Variants in OTULIN observed in about 807,000 individuals in gnomAD.
OTULIN encodes the protein OTU deubiquitinase with linear linkage specificity, also known as ubiquitin thioesterase otulin.
OTULIN carries 15 observed loss-of-function variants against 39.6 expected under a neutral mutation model. The ratio of observed to expected loss-of-function variants is 0.38; its 90% confidence interval spans 0.25 to 0.58. OTULIN has a LOEUF of 0.58. OTULIN is among the 20% of genes least tolerant of loss of function. The pLI is 0.66. For missense variants in OTULIN, 319 were observed against 445.9 expected, an observed-to-expected ratio of 0.72 and a Z score of 2.56; for synonymous variants, 156 against 170.3, an observed-to-expected ratio of 0.92 and a Z score of 0.65.
the OTULIN span, chr5:14,712,984 G>A: frequency 6.2e-7 from 1 of 1,609,432 alleles, no homozygotes; most frequent in South Asian, 1.1e-5. Flanking sequence ...CTGCAGATGA[G>A]AACACAAAGG....
the OTULIN span, among the ~76,000 whole-genome samples, chr5:14,711,946 C>G: frequency 6.6e-6 from 1 of 152,246 alleles, no homozygotes; most frequent in Non-Finnish European, 1.5e-5. Context: ...CCTCTGTCTG[C>G]CAACCCCGCT....
chr5:14,691,287 A>G (rs540913162), intron 6 of OTULIN, among the ~76,000 whole-genome samples: 1 of 152,360 alleles, frequency 6.6e-6, no homozygotes, highest in East Asian at 1.9e-4. Context: ...CCCAAGTGCC[A>G]TGACAGATAC....
rs1736744853 is a variant in OTULIN, at chr5:14,699,074, A to C, written c.*6026A>C. 1 of 152,244 alleles carries C rather than the reference A, an allele frequency of 6.6e-6. No homozygotes were observed. The highest frequency in any genetic ancestry group is 2.1e-4 in the South Asian group (1 of 4,822). 9.4% of individuals were successfully genotyped at this position (152,244 alleles called of 1,614,324 possible). ...CTCCAGACCTGCAAAGCAGGGCTGC[A>C]GCCCCAATTCTGACCCAGCCCTGCT... On this transcript the variant is annotated 3_prime_UTR_variant, in exon 7 of 7. Transcript: ENST00000284274.
chr5:14,711,162 T>TGACTGTCCCTGCAGTGCCCA, the OTULIN span: 2 of 1,523,048 alleles, frequency 1.3e-6, no homozygotes, highest in Non-Finnish European at 9.1e-7. Flanking sequence ...TCATCCTGAC[T>TGACTGTCCCTGCAGTGCCCA]GACTGTCCCT....
chr5:14,711,186 C>T, the OTULIN span: 2,933 of 1,605,206 alleles, frequency 1.8e-3, 20 homozygotes, highest in East Asian at 0.025. Context: ...GTGCCCATGG[C>T]GTCCCGTGCC....
the OTULIN span, chr5:14,712,810 G>A: frequency 3.4e-6 from 5 of 1,484,876 alleles, no homozygotes; most frequent in Middle Eastern, 8.0e-4. Context: ...GTCAGTGGCT[G>A]CTCAGGTTCT....
chr5:14,668,572 A>G (rs769530870), intron 1 of OTULIN, among the ~76,000 whole-genome samples: 38 of 152,214 alleles, frequency 2.5e-4, no homozygotes, highest in Non-Finnish European at 4.9e-4. Context: ...TGTCTCACCA[A>G]CATTGCCTTA....
At chr5:14,673,849 G>A (rs1736036016) in intron 2 of OTULIN, 131 bp downstream of exon 2, 2 of 673,608 alleles carry the variant, frequency 3.0e-6, no homozygotes, top group Middle Eastern at 4.1e-4. Flanking sequence ...TACATTGATT[G>A]TTTTGCTGAA....
chr5:14,713,786 G>T, the OTULIN span: 3 of 1,443,652 alleles, frequency 2.1e-6, no homozygotes, highest in Non-Finnish European at 2.9e-6. This position sits in a 1 kb window ranked among gnomAD's most constrained non-coding sequence, Gnocchi z 4.4. Context: ...TGGCCTTGCT[G>T]TTGAGCCGCT....
chr5:14,690,244 A>G lies in OTULIN; in HGVS notation c.800A>G (p.Asn267Ser). 6.2e-7 allele frequency: 1 copy of G among 1,614,188 alleles called. No individual in the cohort carries two copies. The highest frequency in any genetic ancestry group is 8.5e-7 in the Non-Finnish European group (1 of 1,180,034). The change falls in exon 6 of 7, where the codon AAT becomes AGT. Residue 267 changes from asparagine (N) to serine (S), a missense_variant. Physicochemically the swap from Asn to Ser is conservative, Grantham distance 46. This residue lies in a region of OTULIN where 106 missense variants were observed against 192.8 expected (regional missense o/e 0.55). Coordinates refer to ENST00000284274, the MANE Select transcript of OTULIN (RefSeq NM_138348.6). This position sits in a 1 kb window ranked among gnomAD's most constrained non-coding sequence, Gnocchi z 4.5. The stretch of plus-strand genomic sequence containing the variant: ...CTTCTGTTTGCTCGGGACACATCAA[A>G]TGACCCAGGACAGCTTCTGAGGAAC... Reference protein sequence around the residue: ...SVLLFARDTSNDPGQLLRNHL... With the variant: ...SVLLFARDTSSDPGQLLRNHL...
Position 14,693,217 on chromosome 5 carries a change from AT to A in OTULIN, c.*171del. 4 of 598,664 alleles carry A rather than the reference AT, an allele frequency of 6.7e-6. No individual in the cohort carries two copies. Among genetic ancestry groups the A allele is most frequent in the Non-Finnish European group, 1.2e-5 (4 of 346,556 alleles). 37.1% of individuals were successfully genotyped at this position (598,664 alleles called of 1,614,324 possible). ...TGAAGACTAGCTTTTGATAAGAGAAATTAACCAAGTCTTTCCCCTCATCTAT... is the reference window on the plus strand; with the variant it reads ...TGAAGACTAGCTTTTGATAAGAGAAATAACCAAGTCTTTCCCCTCATCTAT... On this transcript the variant is annotated 3_prime_UTR_variant, in exon 7 of 7. Coordinates refer to ENST00000284274, the MANE Select transcript of OTULIN (RefSeq NM_138348.6).
chr5:14,686,652 G>A (rs1042254162), intron 4 of OTULIN, among the ~76,000 whole-genome samples: 4 of 152,116 alleles, frequency 2.6e-5, no homozygotes, highest in Non-Finnish European at 5.9e-5. Flanking sequence ...TAGCAGTGAA[G>A]TGACACACCT....
the OTULIN span, chr5:14,709,927 T>C: frequency 6.6e-6 from 1 of 152,306 alleles, no homozygotes; most frequent in Admixed American, 6.5e-5. Context: ...TATTTTTTTT[T>C]TTAGGTTCTT....
chr5:14,711,136 AGAT>A, the OTULIN span: 3 of 1,332,330 alleles, frequency 2.3e-6, no homozygotes, highest in Non-Finnish European at 3.2e-6. Flanking sequence ...GAGAGGGAAG[AGAT>A]GATGCCGAAG....
chr5:14,715,081 G>A, the OTULIN span, among the ~76,000 whole-genome samples: 1 of 152,222 alleles, frequency 6.6e-6, no homozygotes, highest in East Asian at 1.9e-4. Flanking sequence ...AGGCCTTAGA[G>A]CAAGGGCCGT....
At position 14,699,085 on chromosome 5, in the gene OTULIN, T is replaced by G. The variant is rs891739306; in HGVS notation, c.*6037T>G. On this transcript the variant is annotated 3_prime_UTR_variant, in exon 7 of 7. Coordinates refer to ENST00000284274, the MANE Select transcript of OTULIN (RefSeq NM_138348.6). ...CAAAGCAGGGCTGCAGCCCCAATTC[T>G]GACCCAGCCCTGCTGTGTGTTTGCC... 1.3e-5 allele frequency: 2 copies of G among 152,310 alleles called. No homozygotes were observed. Among genetic ancestry groups the G allele is most frequent in the Non-Finnish European group, 2.9e-5 (2 of 68,086 alleles). The allele number at this position is 152,310 out of a possible 1,614,324, so 9.4% of individuals were successfully genotyped here.
At position 14,664,952 on chromosome 5, in the gene OTULIN, C is replaced by T; in HGVS notation, c.127C>T (p.Pro43Ser). Residue 43 changes from proline to serine, a missense_variant, in exon 1 of 7, where the codon CCC (proline) becomes TCC (serine). Pro to Ser is a moderately conservative substitution (Grantham distance 74). Coordinates refer to ENST00000284274, the MANE Select transcript of OTULIN (RefSeq NM_138348.6). Reference sequence around the variant, plus strand: ...GGCGGCGGCCAGCGGGCAGCCGCGGCCCGAGATGCAGTGCCCGGCCGAGCA... The same window carrying T: ...GGCGGCGGCCAGCGGGCAGCCGCGGTCCGAGATGCAGTGCCCGGCCGAGCA... ...GKAAASGQPR[P>S]EMQCPAEHEE... 9.0e-7 allele frequency: 1 copy of T among 1,113,468 alleles called. No homozygotes were observed. The highest frequency in any genetic ancestry group is 1.1e-6 in the Non-Finnish European group (1 of 913,060). 69.0% of individuals were successfully genotyped at this position (1,113,468 alleles called of 1,614,324 possible). A position where few individuals can be genotyped will look rare whatever the true frequency, so the allele number is the denominator to read the frequency against.
the OTULIN span, chr5:14,709,604 C>A: frequency 6.6e-6 from 1 of 152,280 alleles, no homozygotes; most frequent in Non-Finnish European, 1.5e-5. Context: ...TTTTCTTTCT[C>A]ATTTTTGCCT....
intron 4 of OTULIN, 72 bp downstream of exon 4, chr5:14,681,679 C>T: frequency 1.3e-6 from 2 of 1,488,518 alleles, no homozygotes; most frequent in Non-Finnish European, 9.0e-7. Context: ...CCCTTTCTGT[C>T]CATGCTACCT....
Sources: allele counts gnomAD v4.1 joint callset (sites outside exome capture counted in the v4.1 genomes callset), GRCh38; gene constraint gnomAD v4.1.1; regional missense constraint gnomAD v4.1.1; non-coding constraint Gnocchi (gnomAD v3.1); transcripts MANE v1.5; gene names NCBI Gene and HGNC (gene_info 2026-07-23, HGNC 2026-07-21).